The following PRKN variants were observed in gnomAD, a reference collection of about 807,000 sequenced individuals.
The protein encoded by PRKN is parkin RBR E3 ubiquitin protein ligase.
PRKN carries 56 observed loss-of-function variants against 59.5 expected under a neutral mutation model. The ratio of observed to expected loss-of-function variants is 0.94; its 90% CI spans 0.76 to 1.18. The LOEUF is 1.18. PRKN is among the 50% of genes most tolerant of loss of function. The pLI, the probability that PRKN is intolerant of heterozygous loss-of-function variation, is 0.00. For synonymous variants in PRKN, 250 were observed against 222.1 expected, an observed-to-expected ratio of 1.13 and a Z score of -1.12; for missense variants, 657 against 596.4, an observed-to-expected ratio of 1.10 and a Z score of -1.06.
intron 1 of PRKN, among the ~76,000 whole-genome samples, chr6:162,680,094 T>C (rs1779712200): frequency 6.6e-6 from 1 of 152,110 alleles, no homozygotes; most frequent in South Asian, 2.1e-4. Context: ...AATTATTAAA[T>C]ACATATAACA....
chr6:162,579,115 C>A (rs1478455262), intron 1 of PRKN, among the ~76,000 whole-genome samples: 1 of 152,156 alleles, frequency 6.6e-6, no homozygotes, highest in African/African-American at 2.4e-5. Context: ...AATGTTGAGC[C>A]TTTTCCTGGA....
chr6:161,614,991 GA>G (rs1782636806), intron 7 of PRKN, among the ~76,000 whole-genome samples: 2 of 147,506 alleles, frequency 1.4e-5, no homozygotes, highest in Non-Finnish European at 3.0e-5. Context: ...GAGAGAGAGA[GA>G]GAGAGAGAAC....
At chr6:161,779,018 C>A (rs1466503320) in intron 7 of PRKN, among the ~76,000 whole-genome samples, 1 of 152,162 alleles carries the variant, frequency 6.6e-6, no homozygotes, top group Non-Finnish European at 1.5e-5. Flanking sequence ...CGGCTCACTG[C>A]AACCTCCACC....
intron 6 of PRKN, among the ~76,000 whole-genome samples, chr6:161,972,612 T>C (rs2128251729): frequency 6.6e-6 from 1 of 152,308 alleles, no homozygotes; most frequent in African/African-American, 2.4e-5. Context: ...TTGCTTTCAT[T>C]TTGAGTGCAT....
chr6:162,272,006 T>C (rs1324069880), intron 2 of PRKN, among the ~76,000 whole-genome samples: 1 of 152,166 alleles, frequency 6.6e-6, no homozygotes, highest in African/African-American at 2.4e-5. Flanking sequence ...CCACACTAAT[T>C]AGCCAGTGCA....
intron 1 of PRKN, among the ~76,000 whole-genome samples, chr6:162,596,462 A>T (rs1781497564): frequency 6.6e-6 from 1 of 152,352 alleles, no homozygotes; most frequent in African/African-American, 2.4e-5. Flanking sequence ...GATCAATATT[A>T]TATTTCAAGT....
Position 161,456,318 on chromosome 6 carries a change from G to A in PRKN, c.1084-69441C>T, listed in dbSNP as rs551240017. Among the ~76,000 whole-genome samples the A allele has an allele frequency of 1.3e-5, 2 of 152,220 alleles. No homozygotes were observed. Among genetic ancestry groups the A allele is most frequent in the African/African-American group, 4.8e-5 (2 of 41,528 alleles). On this transcript the variant is annotated intron_variant, in intron 9 of 11. Transcript: ENST00000366898. The surrounding 1 kb of genome is among the most constrained non-coding windows in gnomAD (Gnocchi z 4.8). ...GTCTTCCGGCTTTCAAATTTCTCTC[G>A]CATTGAAAGCTTCCTGCCCTGGAAC...
At chr6:162,262,803 AG>A (rs766152088) in intron 2 of PRKN, 38 bp from the exon 3 acceptor site, 1 of 1,547,858 alleles carries the variant, frequency 6.5e-7, no homozygotes, top group Non-Finnish European at 8.8e-7. Flanking sequence ...AAAAAAAAAA[AG>A]GAAATGTCAA....
In PRKN at chr6:161,370,841, G is replaced by A. The variant is rs1457398611; in HGVS notation, c.1168-10636C>T. 4.6e-5 allele frequency among the ~76,000 whole-genome samples: 7 copies of A among 152,316 alleles called. No individual in the cohort carries two copies. The East Asian group carries it at 1.4e-3, about 29-fold the overall frequency. On this transcript the variant is annotated intron_variant, in intron 10 of 11. Coordinates refer to ENST00000366898, the MANE Select transcript of PRKN (RefSeq NM_004562.3). ...GAGTTGGCTTAATTCAGCTATGAAT[G>A]CTTTCAGGTGAATGACAGCTTTTAA...
chr6:161,763,003 A>G (rs186889942), intron 7 of PRKN, among the ~76,000 whole-genome samples: 121 of 152,338 alleles, frequency 7.9e-4, no homozygotes, highest in African/African-American at 2.8e-3. Context: ...TATAGAAATA[A>G]AACCCAGAAT....
intron 9 of PRKN, among the ~76,000 whole-genome samples, chr6:161,521,312 A>AAG (rs1778815462): frequency 2.6e-5 from 4 of 152,202 alleles, no homozygotes; most frequent in African/African-American, 7.2e-5. Flanking sequence ...TTTCATTTCC[A>AAG]AGAATTTGTT....
intron 3 of PRKN, among the ~76,000 whole-genome samples, chr6:162,212,101 A>T (rs964263830): frequency 6.6e-6 from 1 of 152,138 alleles, no homozygotes; most frequent in Admixed American, 6.5e-5. Context: ...GTCTTTCTAT[A>T]TCATGAGTAT....
intron 3 of PRKN, among the ~76,000 whole-genome samples, chr6:162,210,176 C>G (rs1198881214): frequency 6.7e-6 from 1 of 150,152 alleles, no homozygotes; most frequent in Non-Finnish European, 1.5e-5. Flanking sequence ...TTTGTCAAAC[C>G]CTGGCCTGGC....
rs558387430 is a variant in PRKN at position 162,213,542 on chromosome 6, A to C, written c.413-12290T>G. Among the ~76,000 whole-genome samples the C allele has an allele frequency of 2.0e-5, 3 of 152,218 alleles. No homozygotes were observed. In the East Asian group the frequency reaches 5.8e-4, roughly 30 times the overall value. On this transcript the variant is annotated intron_variant, in intron 3 of 11. Coordinates refer to ENST00000366898, the MANE Select transcript of PRKN (RefSeq NM_004562.3). ...GGAGTTCGAGATCAGCCTGGGCAGC[A>C]CAGTGAGACTTCATCTCTACAAAAA...
chr6:162,522,178 T>C (rs545435739), intron 1 of PRKN, among the ~76,000 whole-genome samples: 59 of 152,316 alleles, frequency 3.9e-4, no homozygotes, highest in Non-Finnish European at 6.8e-4. Context: ...GGCTAGAGTG[T>C]AGTGGGGCAA....
intron 2 of PRKN, among the ~76,000 whole-genome samples, chr6:162,384,454 G>A (rs1483982796): frequency 6.6e-6 from 1 of 151,958 alleles, no homozygotes; most frequent in African/African-American, 2.4e-5. Context: ...CCTTGTAAGG[G>A]AGCAGTTCAT....
chr6:161,621,162 C>T (rs62436803), intron 7 of PRKN, among the ~76,000 whole-genome samples: 1 of 152,140 alleles, frequency 6.6e-6, no homozygotes, highest in Non-Finnish European at 1.5e-5. Context: ...ATTAGTCAGG[C>T]TTCTCCAGAG....
intron 7 of PRKN, among the ~76,000 whole-genome samples, chr6:161,689,093 A>T (rs922108550): frequency 6.6e-6 from 1 of 151,940 alleles, no homozygotes; most frequent in African/African-American, 2.4e-5. Flanking sequence ...CTTCTATTTA[A>T]TTCATAGTCT....
At chr6:161,926,018 C>T (rs1778955715) in intron 6 of PRKN, among the ~76,000 whole-genome samples, 1 of 152,172 alleles carries the variant, frequency 6.6e-6, no homozygotes, top group Non-Finnish European at 1.5e-5. Context: ...ATAGCTTTCT[C>T]TAAACCACTC....
Sources: allele counts gnomAD v4.1 joint callset (sites outside exome capture counted in the v4.1 genomes callset), GRCh38; gene constraint gnomAD v4.1.1; non-coding constraint Gnocchi (gnomAD v3.1); transcripts MANE v1.5; gene names NCBI Gene and HGNC (gene_info 2026-07-23, HGNC 2026-07-21).